Variants in ABAT observed in about 807,000 individuals in gnomAD.
The protein encoded by ABAT is 4-aminobutyrate aminotransferase.
In ABAT, 45 loss-of-function variants were observed where a neutral mutation model predicts 64.6. That is an observed-to-expected ratio of 0.70 (90% CI 0.55 to 0.89). The LOEUF (loss-of-function observed/expected upper bound fraction) is 0.89, where lower values mean the gene tolerates loss of function less well. ABAT is among the 40% of genes least tolerant of loss of function. ABAT has a pLI of 0.00. For missense variants in ABAT, 633 were observed against 658.4 expected (o/e 0.96, Z 0.42); for synonymous variants, 297 against 250.5 (o/e 1.19, Z -1.75).
intron 6 of ABAT, 61 bp downstream of exon 6, chr16:8,757,867 C>T: frequency 6.5e-7 from 1 of 1,542,312 alleles, no homozygotes; most frequent in Admixed American, 1.7e-5. Flanking sequence ...CACAGAATCA[C>T]TGGGCAGACT....
In ABAT at chr16:8,781,505, T is replaced by C; in HGVS notation, c.*75T>C. On this transcript the variant is annotated 3_prime_UTR_variant, in exon 16 of 16. Transcript: ENST00000268251. The surrounding 1 kb of genome is among the most constrained non-coding windows in gnomAD (Gnocchi z 4.5). ...AATTGATTAGTTTGCCTAATTCATG[T>C]TTTCACTTAAAAGTATCAGAGGTGA... 1 of 1,596,990 alleles carries C rather than the reference T, an allele frequency of 6.3e-7. No individual in the cohort carries two copies. Among genetic ancestry groups the C allele is most frequent in the Non-Finnish European group, 8.6e-7 (1 of 1,167,028 alleles).
intron 13 of ABAT, among the ~76,000 whole-genome samples, chr16:8,775,509 C>G (rs768583749): frequency 6.6e-6 from 1 of 152,062 alleles, no homozygotes. Flanking sequence ...GGATTCCAAC[C>G]CAGAGCCCAT....
chr16:8,738,311 A>T, intron 2 of ABAT: 1 of 424,042 alleles, frequency 2.4e-6, no homozygotes, highest in Non-Finnish European at 4.7e-6. Context: ...GCCTTGTCTT[A>T]AAATAATAAT....
At chr16:8,728,543 T>A (rs1438587081) in intron 1 of ABAT, among the ~76,000 whole-genome samples, 2 of 117,386 alleles carry the variant, frequency 1.7e-5, no homozygotes, top group East Asian at 4.5e-4. Flanking sequence ...TTGAGTCGGA[T>A]ATCCTGGAAT....
intron 6 of ABAT, among the ~76,000 whole-genome samples, chr16:8,763,156 G>C (rs1468607637): frequency 6.6e-6 from 1 of 150,938 alleles, no homozygotes; most frequent in African/African-American, 2.4e-5. Flanking sequence ...TCTGGGTTGT[G>C]CCAAGCATGA....
rs146607643 is a variant in ABAT at position 8,745,514 on chromosome 16, T to A, written c.71-487T>A. 4.0e-3 allele frequency among the ~76,000 whole-genome samples: 612 copies of A among 151,830 alleles called. 4 individuals are homozygous for A. The highest frequency in any genetic ancestry group is 0.014 in the African/African-American group (593 of 41,390). On this transcript the variant is annotated intron_variant, in intron 2 of 15. Transcript: ENST00000268251. ...GAGTTTGAGGCCAGCCTGGGCAACA[T>A]GGCGAAACCCCGTCTCTACTAAAAA...
At chr16:8,757,302 G>A in intron 5 of ABAT, 3 of 383,248 alleles carry the variant, frequency 7.8e-6, no homozygotes, top group South Asian at 6.1e-5. Flanking sequence ...CGAGTACCTG[G>A]GATTACAGGC....
intron 2 of ABAT, among the ~76,000 whole-genome samples, chr16:8,740,170 T>A (rs1006973830): frequency 2.6e-5 from 4 of 152,164 alleles, no homozygotes; most frequent in African/African-American, 9.7e-5. Flanking sequence ...GCCAGGCTTT[T>A]GAGCTAAGCC....
rs113158538 is a variant in ABAT at position 8,737,823 on chromosome 16, G to A, written c.70+2014G>A. On this transcript the variant is annotated intron_variant, in intron 2 of 15. Coordinates refer to ENST00000268251, the MANE Select transcript of ABAT (RefSeq NM_020686.6). Reference sequence around the variant, plus strand: ...GGCACCTGTAATCCCAGCTACTTGGGAGGCTGAGGCAGAAGAAGCACTTGA... The same window carrying A: ...GGCACCTGTAATCCCAGCTACTTGGAAGGCTGAGGCAGAAGAAGCACTTGA... 9.2e-3 allele frequency among the ~76,000 whole-genome samples: 1,374 copies of A among 149,896 alleles called. 25 individuals are homozygous for A. The highest frequency in any genetic ancestry group is 0.032 in the African/African-American group (1,294 of 40,610).
intron 1 of ABAT, among the ~76,000 whole-genome samples, chr16:8,676,261 C>A (rs944789790): frequency 1.3e-5 from 2 of 151,356 alleles, no homozygotes; most frequent in African/African-American, 4.9e-5. Context: ...AAGACGTGGC[C>A]CCTTCATTTG....
intron 1 of ABAT, among the ~76,000 whole-genome samples, chr16:8,721,092 C>T (rs1041003909): frequency 6.6e-6 from 1 of 152,178 alleles, no homozygotes; most frequent in Non-Finnish European, 1.5e-5. Context: ...TTTTACAGAT[C>T]AGGAAACTGA....
At chr16:8,704,680 A>G (rs3095511) in intron 1 of ABAT, among the ~76,000 whole-genome samples, 109,741 of 151,912 alleles carry the variant, frequency 0.72, 39,961 homozygotes, top group East Asian at 0.85. Context: ...ACAATTTTAC[A>G]TTCTTTTTTT....
chr16:8,720,232 A>G (rs183494151), intron 1 of ABAT, among the ~76,000 whole-genome samples: 1 of 152,312 alleles, frequency 6.6e-6, no homozygotes, highest in African/African-American at 2.4e-5. Flanking sequence ...TCCTGACCCC[A>G]CAAATAGATT....
chr16:8,694,220 A>C (rs1377782779), intron 1 of ABAT, among the ~76,000 whole-genome samples: 9 of 144,436 alleles, frequency 6.2e-5, no homozygotes, highest in Admixed American at 2.1e-4. Flanking sequence ...TTCAGTAGAG[A>C]CAGGGTTTCA....
intron 6 of ABAT, among the ~76,000 whole-genome samples, chr16:8,762,421 T>C (rs534521860): frequency 1.4e-4 from 22 of 151,958 alleles, no homozygotes; most frequent in African/African-American, 5.1e-4. Context: ...TAGTGAAGAG[T>C]CTCCAGTTTG....
At chr16:8,769,998 G>C in intron 11 of ABAT, among the ~76,000 whole-genome samples, 1 of 152,094 alleles carries the variant, frequency 6.6e-6, no homozygotes, top group East Asian at 1.9e-4. Flanking sequence ...GAAAAGACAA[G>C]ATAATGGCAT....
intron 2 of ABAT, among the ~76,000 whole-genome samples, chr16:8,740,821 T>C (rs2059142406): frequency 1.3e-5 from 2 of 152,254 alleles, no homozygotes; most frequent in South Asian, 2.1e-4. Context: ...ATGTTGCTTA[T>C]TGGTATCTTC....
chr16:8,772,983 G>A lies in ABAT; in HGVS notation c.954+66G>A, dbSNP rs893326159. The A allele has an allele frequency of 2.1e-5, 33 of 1,604,358 alleles. No homozygotes were observed. In the East Asian group the frequency reaches 2.5e-4, roughly 12 times the overall value. On this transcript the variant is annotated intron_variant, in intron 12 of 15. Transcript: ENST00000268251. Reference sequence around the variant, plus strand: ...TTCTGGGTTGAGTTCCCCGAGTAACGGGCCAGCAGCACCTCTGCCTTGGAG... The same window carrying A: ...TTCTGGGTTGAGTTCCCCGAGTAACAGGCCAGCAGCACCTCTGCCTTGGAG...
At chr16:8,707,218 C>T (rs2057966172) in intron 1 of ABAT, among the ~76,000 whole-genome samples, 1 of 151,896 alleles carries the variant, frequency 6.6e-6, no homozygotes, top group South Asian at 2.1e-4. Flanking sequence ...ACCAGGTCTC[C>T]CTCTGTCACC....
Sources: allele counts gnomAD v4.1 joint callset (sites outside exome capture counted in the v4.1 genomes callset), GRCh38; gene constraint gnomAD v4.1.1; non-coding constraint Gnocchi (gnomAD v3.1); transcripts MANE v1.5; gene names NCBI Gene and HGNC (gene_info 2026-07-23, HGNC 2026-07-21).